The following CSMD1 variants were observed in gnomAD, a reference collection of about 807,000 sequenced individuals.
The protein encoded by CSMD1 is CUB and Sushi multiple domains 1, also known as CUB and sushi domain-containing protein 1.
In CSMD1, 213 loss-of-function variants were observed where a neutral mutation model predicts 417.5. The ratio of observed to expected loss-of-function variants is 0.51; its 90% CI spans 0.46 to 0.57. The LOEUF is 0.57. Ranked by LOEUF, CSMD1 falls within the 20% of genes least tolerant of loss-of-function variation. The probability of loss-of-function intolerance (pLI) is 0.00; values close to 1 mark genes in which losing one functional copy is unlikely to be tolerated. For missense variants in CSMD1, 6,923 were observed against 4,529.7 expected (o/e 1.53, Z -15.17); for synonymous variants, 2,862 against 1,736.8 (o/e 1.65, Z -16.11).
intron 3 of CSMD1, among the ~76,000 whole-genome samples, chr8:4,251,374 T>C (rs893789797): frequency 6.6e-6 from 1 of 152,180 alleles, no homozygotes; most frequent in African/African-American, 2.4e-5. Flanking sequence ...AGGTTTTATT[T>C]AAAAGCTTTG....
At chr8:3,659,722 C>T (rs1798314407) in intron 7 of CSMD1, among the ~76,000 whole-genome samples, 1 of 152,080 alleles carries the variant, frequency 6.6e-6, no homozygotes, top group African/African-American at 2.4e-5. Flanking sequence ...GTTCTACACT[C>T]CATAATATTA....
chr8:4,347,100 G>C (rs965382562), intron 3 of CSMD1, among the ~76,000 whole-genome samples: 1 of 152,110 alleles, frequency 6.6e-6, no homozygotes, highest in Non-Finnish European at 1.5e-5. Context: ...CCCCTCAGAA[G>C]TTACTTTTTC....
rs375661045 is a variant in CSMD1, at chr8:3,087,127, G to C, written c.7444C>G (p.Gln2482Glu). 6 of 1,613,468 alleles carry C rather than the reference G, an allele frequency of 3.7e-6. No individual in the cohort carries two copies. The highest frequency in any genetic ancestry group is 2.7e-5 in the African/African-American group (2 of 74,920). ...CAGAGTGGCGTGAGGGAGTCCCACT[G>C]GTACATGCCAAGTGGGTTTCGTCTA... ...TCRRNPLGMY[Q>E]WDSLTPLCQA... The change falls in exon 49 of 70, where the codon CAG becomes GAG. Residue 2482 changes from glutamine (Q) to glutamate (E), a missense_variant. Transcript: ENST00000635120.
intron 3 of CSMD1, among the ~76,000 whole-genome samples, chr8:4,120,137 G>T (rs578025549): frequency 1.3e-4 from 20 of 152,186 alleles, no homozygotes; most frequent in African/African-American, 4.3e-4. Context: ...ACTACACATC[G>T]CATGCCTGTA....
intron 3 of CSMD1, among the ~76,000 whole-genome samples, chr8:4,320,243 A>C (rs368279431): frequency 2.2e-4 from 34 of 152,348 alleles, no homozygotes; most frequent in African/African-American, 6.0e-4. Flanking sequence ...GCATGAAAAG[A>C]AACAGGAAAA....
At chr8:3,969,581 T>A (rs771772606) in intron 5 of CSMD1, among the ~76,000 whole-genome samples, 1 of 152,198 alleles carries the variant, frequency 6.6e-6, no homozygotes, top group Non-Finnish European at 1.5e-5. Flanking sequence ...ACGGCATAAT[T>A]GAAATTTCAT....
chr8:4,123,437 G>C (rs1025769097), intron 3 of CSMD1, among the ~76,000 whole-genome samples: 5 of 152,036 alleles, frequency 3.3e-5, no homozygotes, highest in African/African-American at 1.2e-4. Context: ...AAATATATTT[G>C]GCCTTTAATG....
At chr8:4,086,057 G>C (rs992207570) in intron 3 of CSMD1, among the ~76,000 whole-genome samples, 4 of 152,182 alleles carry the variant, frequency 2.6e-5, no homozygotes, top group African/African-American at 7.2e-5. Flanking sequence ...ATGCAATCAA[G>C]TATCAACAAA....
At chr8:3,943,078 T>C (rs530694994) in intron 5 of CSMD1, among the ~76,000 whole-genome samples, 7 of 152,118 alleles carry the variant, frequency 4.6e-5, no homozygotes, top group Non-Finnish European at 1.0e-4. Flanking sequence ...ATCTCTCTAT[T>C]ACCCCACATT....
chr8:3,534,769 A>G (rs370482577), intron 10 of CSMD1, among the ~76,000 whole-genome samples: 1 of 152,220 alleles, frequency 6.6e-6, no homozygotes, highest in South Asian at 2.1e-4. Context: ...TCTTAAAGCT[A>G]AGATTACTTT....
intron 5 of CSMD1, among the ~76,000 whole-genome samples, chr8:3,765,735 C>A (rs1404765224): frequency 6.6e-6 from 1 of 152,114 alleles, no homozygotes; most frequent in East Asian, 1.9e-4. Context: ...GGTGGGGGCG[C>A]CCAGGGGGTG....
At chr8:4,379,313 A>T (rs1205710670) in intron 3 of CSMD1, among the ~76,000 whole-genome samples, 1 of 152,236 alleles carries the variant, frequency 6.6e-6, no homozygotes. Context: ...AAAGACAAGG[A>T]AAGACTAATT....
chr8:3,634,686 T>C (rs1323580135), intron 7 of CSMD1, among the ~76,000 whole-genome samples: 2 of 152,038 alleles, frequency 1.3e-5, no homozygotes, highest in Non-Finnish European at 1.5e-5. Context: ...ACAAATGAAA[T>C]GAAAGGTGTG....
At chr8:4,952,459 T>A (rs1421896048) in intron 1 of CSMD1, among the ~76,000 whole-genome samples, 1 of 152,056 alleles carries the variant, frequency 6.6e-6, no homozygotes. Flanking sequence ...CAATTACCTA[T>A]GTCTAAAAGA....
chr8:3,775,899 C>T (rs1484759272), intron 5 of CSMD1, among the ~76,000 whole-genome samples: 1 of 152,190 alleles, frequency 6.6e-6, no homozygotes, highest in Non-Finnish European at 1.5e-5. Flanking sequence ...CATGTGGCTT[C>T]TCAATGAGCT....
intron 6 of CSMD1, among the ~76,000 whole-genome samples, chr8:3,714,451 G>A (rs1258492347): frequency 6.6e-6 from 1 of 150,584 alleles, no homozygotes; most frequent in Non-Finnish European, 1.5e-5. Flanking sequence ...GACCAGGCAT[G>A]GTGGTTCACA....
intron 1 of CSMD1, among the ~76,000 whole-genome samples, chr8:4,970,285 T>C (rs1397932400): frequency 6.6e-6 from 1 of 152,108 alleles, no homozygotes; most frequent in African/African-American, 2.4e-5. Context: ...AAGTGATAGA[T>C]CATTTGTCTG....
intron 3 of CSMD1, among the ~76,000 whole-genome samples, chr8:4,216,609 C>T (rs1033063328): frequency 3.3e-5 from 5 of 152,116 alleles, no homozygotes; most frequent in South Asian, 2.1e-4. Flanking sequence ...CTGAGGACAC[C>T]GTGAAGTGTG....
At chr8:3,262,184 A>AAAAATATATACATATATAT (rs1420684024) in intron 26 of CSMD1, among the ~76,000 whole-genome samples, 1 of 63,172 alleles carries the variant, frequency 1.6e-5, no homozygotes, top group African/African-American at 7.1e-5. Flanking sequence ...TGCTCATATG[A>AAAAATATATACATATATAT]ATATATATAT....
Sources: gnomAD v4.1 joint callset for allele counts (sites outside exome capture counted in the v4.1 genomes callset) on GRCh38, gnomAD v4.1.1 for gene constraint, MANE v1.5 for transcripts, NCBI Gene and HGNC (gene_info 2026-07-23, HGNC 2026-07-21) for gene names.